Variants in EXD1 observed in about 807,000 individuals in gnomAD.
The protein encoded by EXD1 is exonuclease 3'-5' domain containing 1, also known as piRNA biogenesis protein EXD1.
A neutral mutation model predicts 49.1 loss-of-function variants in EXD1; 63 were observed. The observed-to-expected ratio is 1.28, with a 90% CI of 1.05 to 1.58. The LOEUF is 1.58. EXD1 is among the 40% of genes most tolerant of loss of function. EXD1 has a pLI of 0.00. For missense variants in EXD1, 748 were observed against 666.0 expected (o/e 1.12, Z -1.36); for synonymous variants, 234 against 239.2 (o/e 0.98, Z 0.20).
chr15:41,193,562 G>C (rs1378406471), intron 9 of EXD1, among the ~76,000 whole-genome samples: 1 of 151,936 alleles, frequency 6.6e-6, no homozygotes, highest in African/African-American at 2.4e-5. Context: ...AATATAGAGA[G>C]ACCCCATATC....
intron 9 of EXD1, among the ~76,000 whole-genome samples, chr15:41,193,919 T>C (rs1283953206): frequency 2.0e-5 from 3 of 151,876 alleles, no homozygotes; most frequent in African/African-American, 7.2e-5. Flanking sequence ...AAAGGGACTT[T>C]GCAGCTGTGA....
At chr15:41,201,021 G>A (rs775280242) in intron 7 of EXD1, among the ~76,000 whole-genome samples, 51 of 151,566 alleles carry the variant, frequency 3.4e-4, no homozygotes, top group African/African-American at 1.1e-3. Context: ...TTACAGGTAC[G>A]TGCCACCACA....
chr15:41,189,211 T>C (rs1040527985), intron 11 of EXD1, among the ~76,000 whole-genome samples: 2 of 150,840 alleles, frequency 1.3e-5, no homozygotes, highest in African/African-American at 4.9e-5. Context: ...CTACCAAAAA[T>C]ACAAAAATTA....
rs1045394809 is a variant in EXD1, at chr15:41,199,594, T to C, written c.535-3557A>G. On this transcript the variant is annotated intron_variant, in intron 7 of 11. Coordinates refer to ENST00000458580, the MANE Select transcript of EXD1 (RefSeq NM_001286441.2). ...ATATACATATACATATAATTTGTTT[T>C]ATATATATTATATATTATATATATT... Among the ~76,000 whole-genome samples, 4 of 124,526 alleles carry C rather than the reference T, an allele frequency of 3.2e-5. No homozygotes were observed. The East Asian group carries it at 9.0e-4, about 28-fold the overall frequency. The allele number at this position is 124,526 out of a possible 152,430, so 81.7% of individuals were successfully genotyped here.
intron 10 of EXD1, among the ~76,000 whole-genome samples, chr15:41,191,110 T>C (rs2046507518): frequency 6.6e-6 from 1 of 152,088 alleles, no homozygotes; most frequent in South Asian, 2.1e-4. Context: ...GTATTTTTAG[T>C]AGAGGAGATT....
intron 7 of EXD1, among the ~76,000 whole-genome samples, chr15:41,207,793 C>T (rs2046856634): frequency 6.6e-6 from 1 of 151,676 alleles, no homozygotes; most frequent in Non-Finnish European, 1.5e-5. Context: ...GGCAGATCAC[C>T]TGAGGCCAGG....
At chr15:41,196,377 C>T (rs576030012) in intron 7 of EXD1, among the ~76,000 whole-genome samples, 134 of 139,092 alleles carry the variant, frequency 9.6e-4, no homozygotes, top group Non-Finnish European at 1.7e-3. Context: ...AGTGCAGTGG[C>T]GCGATCTTGG....
At chr15:41,214,554 T>C (rs370026459) in intron 6 of EXD1, among the ~76,000 whole-genome samples, 2 of 151,702 alleles carry the variant, frequency 1.3e-5, no homozygotes, top group Non-Finnish European at 2.9e-5. Context: ...AAACTGCCAA[T>C]GGCTTTAAGT....
chr15:41,213,183 TTTTA>T (rs553930290), intron 6 of EXD1, among the ~76,000 whole-genome samples: 39 of 151,684 alleles, frequency 2.6e-4, no homozygotes, highest in African/African-American at 9.2e-4. Context: ...TATTTTATTA[TTTTA>T]TTTATTTACT....
chr15:41,215,453 G>A (rs371212419), intron 6 of EXD1, among the ~76,000 whole-genome samples: 8 of 152,236 alleles, frequency 5.3e-5, no homozygotes, highest in East Asian at 3.9e-4. Context: ...TTGGGAGGCC[G>A]AGGCGGGTGG....
In EXD1 at chr15:41,183,741, T is replaced by A; in HGVS notation, c.*190A>T. 1.9e-6 allele frequency: 1 copy of A among 516,288 alleles called. No homozygotes were observed. Among genetic ancestry groups the A allele is most frequent in the Non-Finnish European group, 3.3e-6 (1 of 299,580 alleles). The allele number at this position is 516,288 out of a possible 1,614,324, so 32.0% of individuals were successfully genotyped here. On this transcript the variant is annotated 3_prime_UTR_variant, in exon 12 of 12. Coordinates refer to ENST00000458580, the MANE Select transcript of EXD1 (RefSeq NM_001286441.2). ...GTGACATAATCAGAAATTATACTTC[T>A]TCCATTATTTAACTTATTCATTCTC...
chr15:41,215,770 C>A lies in EXD1; in HGVS notation c.447+5G>T. ...ATACTAGTAATGATTGAGGACAATA[C>A]TTACCGCAGCACCAAACTTCTGCTG... On this transcript the variant is annotated splice_donor_5th_base_variant and intron_variant, in intron 6 of 11. Transcript: ENST00000458580. The A allele has an allele frequency of 6.2e-7, 1 of 1,613,492 alleles. No homozygotes were observed. The highest frequency in any genetic ancestry group is 1.3e-5 in the African/African-American group (1 of 75,010).
At chr15:41,193,454 A>T (rs773873033) in intron 9 of EXD1, among the ~76,000 whole-genome samples, 1 of 152,186 alleles carries the variant, frequency 6.6e-6, no homozygotes, top group East Asian at 1.9e-4. Context: ...GGGGGAAAAA[A>T]ATGGGCCTGG....
At chr15:41,190,612 C>T (rs918537319) in intron 10 of EXD1, among the ~76,000 whole-genome samples, 1 of 152,216 alleles carries the variant, frequency 6.6e-6, no homozygotes, top group Non-Finnish European at 1.5e-5. Context: ...TGCTTGCACA[C>T]ATACTCCTAC....
At chr15:41,198,525 T>C (rs2046652126) in intron 7 of EXD1, among the ~76,000 whole-genome samples, 1 of 151,708 alleles carries the variant, frequency 6.6e-6, no homozygotes, top group African/African-American at 2.4e-5. Flanking sequence ...ACCCCATCTG[T>C]ACAAAAAATT....
intron 10 of EXD1, 96 bp downstream of exon 10, chr15:41,191,346 A>G: frequency 8.6e-7 from 1 of 1,161,586 alleles, no homozygotes; most frequent in South Asian, 1.5e-5. Context: ...ATATGATAAC[A>G]TGGCAGCTGT....
chr15:41,205,099 G>A (rs150340202), intron 7 of EXD1, among the ~76,000 whole-genome samples: 7 of 152,204 alleles, frequency 4.6e-5, no homozygotes, highest in Admixed American at 1.3e-4. Flanking sequence ...TTGAGTCTTC[G>A]TTCTGAAGGT....
chr15:41,192,720 T>C (rs1357877143), intron 9 of EXD1, among the ~76,000 whole-genome samples: 1 of 144,042 alleles, frequency 6.9e-6, no homozygotes, highest in Non-Finnish European at 1.5e-5. Flanking sequence ...GTTCAAGGGA[T>C]CTTCCCACCT....
rs963191683 is a variant in EXD1 at position 41,230,361 on chromosome 15, G to T, written c.-54+118C>A. ...GCCTCCCAAAGTGCTGGGATTACAG[G>T]CGTGAGCCACCGTGCCAGGCCTACC... is the stretch of plus-strand genomic sequence containing the variant. On this transcript the variant is annotated intron_variant, in intron 1 of 11. Coordinates refer to ENST00000458580, the MANE Select transcript of EXD1 (RefSeq NM_001286441.2). 4 of 1,062,712 alleles carry T rather than the reference G, an allele frequency of 3.8e-6. No individual in the cohort carries two copies. In the African/African-American group the frequency reaches 6.3e-5, roughly 17 times the overall value. The allele number at this position is 1,062,712 out of a possible 1,614,324, so 65.8% of individuals were successfully genotyped here.
Sources: allele counts gnomAD v4.1 joint callset (sites outside exome capture counted in the v4.1 genomes callset), GRCh38; gene constraint gnomAD v4.1.1; transcripts MANE v1.5; gene names NCBI Gene and HGNC (gene_info 2026-07-23, HGNC 2026-07-21).